ALPK3: variants seen among roughly 807,000 people sequenced by gnomAD.
ALPK3 encodes the protein alpha-protein kinase 3.
ALPK3 carries 102 observed loss-of-function variants against 140.0 expected under a neutral mutation model. The observed-to-expected ratio is 0.73, with a 90% CI of 0.62 to 0.86. The LOEUF (loss-of-function observed/expected upper bound fraction) is 0.86, where lower values mean the gene tolerates loss of function less well. Ranked by LOEUF, ALPK3 falls within the 40% of genes least tolerant of loss-of-function variation. The pLI is 0.00. For missense variants in ALPK3, 2,254 were observed against 2,208.2 expected (o/e 1.02, Z -0.42); for synonymous variants, 938 against 898.5 (o/e 1.04, Z -0.79).
At chr15:84,834,804 C>T (rs1489090403) in intron 3 of ALPK3, among the ~76,000 whole-genome samples, 1 of 152,260 alleles carries the variant, frequency 6.6e-6, no homozygotes, top group Non-Finnish European at 1.5e-5. Context: ...TGTGTGCACA[C>T]CTGCCTGTGG....
chr15:84,837,809 T>C (rs572119702), intron 3 of ALPK3, among the ~76,000 whole-genome samples: 12 of 152,210 alleles, frequency 7.9e-5, no homozygotes, highest in Non-Finnish European at 1.8e-4. Context: ...TCAACTTCCT[T>C]TTTCCATCTC....
intron 1 of ALPK3, among the ~76,000 whole-genome samples, chr15:84,818,363 A>G (rs989103304): frequency 6.6e-6 from 1 of 152,214 alleles, no homozygotes; most frequent in Admixed American, 6.5e-5. Context: ...CAAAGACAAT[A>G]GACAGGCATC....
intron 5 of ALPK3, among the ~76,000 whole-genome samples, chr15:84,844,359 A>G (rs549816866): frequency 6.6e-6 from 1 of 152,212 alleles, no homozygotes; most frequent in South Asian, 2.1e-4. Flanking sequence ...GTGAACTGAG[A>G]TTGTGCTACT....
Position 84,856,562 on chromosome 15 carries a change from G to A in ALPK3, c.1824G>A (p.Lys608=). The A allele has an allele frequency of 6.2e-7, 1 of 1,614,194 alleles. No homozygotes were observed. Among genetic ancestry groups the A allele is most frequent in the Non-Finnish European group, 8.5e-7 (1 of 1,180,044 alleles). Residue 608 remains lysine (K), a synonymous_variant, in exon 6 of 14, where the codon AAG becomes AAA. Transcript: ENST00000258888. ...CTAACCAGAGAACTGGAAGCAAGAA[G>A]AATGTGCAGGCAGATGGGAAGATAC... ...TSANQRTGSK[K]NVQADGKIQV...
Position 84,847,216 on chromosome 15 carries a change from A to G in ALPK3, c.1653+6284A>G, listed in dbSNP as rs1376620192. ...AAGGGAGGGAGAAACGGGGAGAGAG[A>G]GAGAGAGAGAGAGAGAGAGAGAGAG... On this transcript the variant is annotated intron_variant, in intron 5 of 13. Transcript: ENST00000258888. 5.5e-3 allele frequency among the ~76,000 whole-genome samples: 423 copies of G among 76,620 alleles called. 2 individuals are homozygous for G. Among genetic ancestry groups the G allele is most frequent in the Non-Finnish European group, 9.0e-3 (252 of 27,918 alleles). 50.3% of individuals were successfully genotyped at this position (76,620 alleles called of 152,430 possible). A position where few individuals can be genotyped will look rare whatever the true frequency, so the allele number is the denominator to read the frequency against.
intron 13 of ALPK3, 72 bp from the exon 14 acceptor site, chr15:84,868,039 C>A: frequency 6.8e-7 from 1 of 1,478,154 alleles, no homozygotes; most frequent in Non-Finnish European, 9.2e-7. Flanking sequence ...TGATGGCCAC[C>A]CCAGAGTCCG....
At chr15:84,842,929 A>G (rs1233838327) in intron 5 of ALPK3, among the ~76,000 whole-genome samples, 4 of 152,150 alleles carry the variant, frequency 2.6e-5, no homozygotes, top group Non-Finnish European at 5.9e-5. Context: ...TTTGGAAGAG[A>G]TGGCTCTCAT....
At chr15:84,831,070 A>G (rs1963541270) in intron 3 of ALPK3, among the ~76,000 whole-genome samples, 1 of 152,198 alleles carries the variant, frequency 6.6e-6, no homozygotes, top group Non-Finnish European at 1.5e-5. Flanking sequence ...TAGAATTATA[A>G]GCTGAAAATA....
intron 9 of ALPK3, among the ~76,000 whole-genome samples, chr15:84,860,308 A>G (rs1288010474): frequency 1.3e-5 from 2 of 152,138 alleles, no homozygotes; most frequent in African/African-American, 4.8e-5. Context: ...CCCTTTGCCC[A>G]TGTCAGAGTC....
rs766790616 is a variant in ALPK3 at position 84,857,243 on chromosome 15, G to A, written c.2505G>A (p.Pro835=). The part of the protein sequence containing the change: ...GPVEAKQEDS[P]FQCPKEERPG... ...TCGAGGCCAAGCAGGAGGACAGCCC[G>A]TTCCAGTGCCCCAAGGAGGAGCGGC... is the stretch of plus-strand genomic sequence containing the variant. The change falls in exon 6 of 14, where the codon CCG becomes CCA. Residue 835 remains proline (P), a synonymous_variant. Coordinates refer to ENST00000258888, the MANE Select transcript of ALPK3 (RefSeq NM_020778.5). 5.1e-5 allele frequency: 83 copies of A among 1,613,854 alleles called. No individual in the cohort carries two copies. The highest frequency in any genetic ancestry group is 9.3e-5 in the African/African-American group (7 of 74,912).
At chr15:84,834,038 A>G (rs1963574176) in intron 3 of ALPK3, among the ~76,000 whole-genome samples, 1 of 152,040 alleles carries the variant, frequency 6.6e-6, no homozygotes, top group African/African-American at 2.4e-5. Flanking sequence ...GGAAGCATCA[A>G]CAGTGGGCAA....
intron 1 of ALPK3, among the ~76,000 whole-genome samples, chr15:84,818,756 G>A (rs569070003): frequency 2.0e-5 from 3 of 152,350 alleles, no homozygotes; most frequent in South Asian, 4.1e-4. Context: ...GGTGTCACAT[G>A]TCTGGGGCAG....
chr15:84,850,343 G>A (rs1963788515), intron 5 of ALPK3, among the ~76,000 whole-genome samples: 1 of 152,080 alleles, frequency 6.6e-6, no homozygotes, highest in Non-Finnish European at 1.5e-5. Flanking sequence ...GTTTGGTACT[G>A]TGAAGAATGC....
At chr15:84,860,468 A>G (rs1963930163) in intron 9 of ALPK3, among the ~76,000 whole-genome samples, 1 of 152,130 alleles carries the variant, frequency 6.6e-6, no homozygotes, top group Non-Finnish European at 1.5e-5. Flanking sequence ...TGCACTGCAG[A>G]CATCTTTAAT....
rs751022449 is a variant in ALPK3 at position 84,840,848 on chromosome 15, G to T, written c.1569G>T (p.Gln523His). Reference sequence around the variant, plus strand: ...AGGCCCCACCTCAGGCCTCTGTGCAGGTGCCGACGCCCCCTGCCCGGCGGA... The same window carrying T: ...AGGCCCCACCTCAGGCCTCTGTGCATGTGCCGACGCCCCCTGCCCGGCGGA... ...LGKAPPQASV[Q>H]VPTPPARRRH... The change falls in exon 5 of 14, where the codon CAG becomes CAT. Residue 523 changes from glutamine (Q) to histidine (H), a missense_variant. Physicochemically the swap from Gln to His is conservative, Grantham distance 24. Coordinates refer to ENST00000258888, the MANE Select transcript of ALPK3 (RefSeq NM_020778.5). 3.1e-6 allele frequency: 5 copies of T among 1,614,176 alleles called. No individual in the cohort carries two copies. The highest frequency in any genetic ancestry group is 8.5e-7 in the Non-Finnish European group (1 of 1,180,026).
intron 2 of ALPK3, among the ~76,000 whole-genome samples, chr15:84,824,047 T>C (rs1963457563): frequency 6.6e-6 from 1 of 152,240 alleles, no homozygotes; most frequent in African/African-American, 2.4e-5. Flanking sequence ...ACCACATACC[T>C]AGGTGTGATA....
chr15:84,833,122 C>T (rs958431486), intron 3 of ALPK3, among the ~76,000 whole-genome samples: 1 of 152,192 alleles, frequency 6.6e-6, no homozygotes, highest in Non-Finnish European at 1.5e-5. Context: ...GTATATCACA[C>T]AACCTACCTA....
At chr15:84,855,179 C>A (rs1026977053) in intron 5 of ALPK3, among the ~76,000 whole-genome samples, 2 of 152,202 alleles carry the variant, frequency 1.3e-5, no homozygotes, top group Non-Finnish European at 2.9e-5. Context: ...CCACCCAGGC[C>A]TCCATGACCC....
rs368481088 is a variant in ALPK3, at chr15:84,858,570, G to A, written c.3817+15G>A. 5.3e-5 allele frequency: 83 copies of A among 1,564,816 alleles called. No individual in the cohort carries two copies. The highest frequency in any genetic ancestry group is 9.0e-5 in the East Asian group (4 of 44,428). ...CCTGCTGAAAGGTGAGCAGTGGGGA[G>A]GGAGAGGGATGGCTTCACAGGACAG... On this transcript the variant is annotated intron_variant, in intron 6 of 13. Coordinates refer to ENST00000258888, the MANE Select transcript of ALPK3 (RefSeq NM_020778.5).
Sources: allele counts gnomAD v4.1 joint callset (sites outside exome capture counted in the v4.1 genomes callset), GRCh38; gene constraint gnomAD v4.1.1; transcripts MANE v1.5; gene names NCBI Gene and HGNC (gene_info 2026-07-23, HGNC 2026-07-21).